Variants in RGS22 observed in about 807,000 individuals in gnomAD.
RGS22 encodes regulator of G protein signaling 22.
Under a neutral mutation model 172.9 loss-of-function variants are expected in RGS22, and 148 were observed. The observed-to-expected ratio is 0.86, with a 90% CI of 0.75 to 0.98. RGS22 has a LOEUF of 0.98. RGS22 is among the 50% of genes least tolerant of loss of function. The pLI is 0.00. For missense variants in RGS22, 1,347 were observed against 1,440.8 expected, an observed-to-expected ratio of 0.93 and a Z score of 1.05; for synonymous variants, 458 against 480.2, an observed-to-expected ratio of 0.95 and a Z score of 0.60.
intron 14 of RGS22, among the ~76,000 whole-genome samples, chr8:100,013,212 A>G (rs994697426): frequency 2.0e-5 from 3 of 152,068 alleles, no homozygotes; most frequent in Non-Finnish European, 4.4e-5. Flanking sequence ...GATGGTCTCA[A>G]AATCCTGACC....
chr8:100,105,725 G>C, intron 1 of RGS22, 172 bp downstream of exon 1: 1 of 580,620 alleles, frequency 1.7e-6, no homozygotes, highest in Admixed American at 3.7e-5. Context: ...ATAAACCGGC[G>C]AGGACGTGAA....
intron 13 of RGS22, 42 bp downstream of exon 13, chr8:100,039,920 A>G (rs1030422794): frequency 2.4e-6 from 3 of 1,231,648 alleles, no homozygotes; most frequent in African/African-American, 3.2e-5. Context: ...TTTTTAAATG[A>G]AGTAAAATTA....
intron 4 of RGS22, among the ~76,000 whole-genome samples, chr8:100,075,102 AT>A (rs1162248378): frequency 1.3e-5 from 2 of 151,812 alleles, no homozygotes; most frequent in African/African-American, 4.8e-5. Flanking sequence ...ATAACTTTTC[AT>A]TTCTTTTGGG....
In RGS22 at chr8:99,978,082, A is replaced by T. The variant is rs1445188084; in HGVS notation, c.3361-7T>A. On this transcript the variant is annotated splice_region_variant and splice_polypyrimidine_tract_variant and intron_variant, in intron 22 of 27. Coordinates refer to ENST00000360863, the MANE Select transcript of RGS22 (RefSeq NM_015668.5). Reference sequence around the variant, plus strand: ...GAACCCCAAAAATTGTCATCTGTATAAAAAAAAGTCTAAGATTACAATTTT... The same window carrying T: ...GAACCCCAAAAATTGTCATCTGTATTAAAAAAAGTCTAAGATTACAATTTT... The T allele has an allele frequency of 4.1e-6, 6 of 1,474,826 alleles. No individual in the cohort carries two copies. The highest frequency in any genetic ancestry group is 1.5e-5 in the African/African-American group (1 of 68,346). The allele number at this position is 1,474,826 out of a possible 1,614,324, so 91.4% of individuals were successfully genotyped here. A position where few individuals can be genotyped will look rare whatever the true frequency, so the allele number is the denominator to read the frequency against.
intron 14 of RGS22, among the ~76,000 whole-genome samples, chr8:100,009,962 C>T (rs56144778): frequency 0.04 from 6,120 of 152,162 alleles, 426 homozygotes; most frequent in African/African-American, 0.14. Flanking sequence ...TAATACAGGA[C>T]GGTAAGTGCT....
intron 9 of RGS22, 98 bp from the exon 10 acceptor site, chr8:100,053,074 G>T: frequency 1.9e-6 from 2 of 1,064,436 alleles, no homozygotes; most frequent in Non-Finnish European, 2.8e-6. Context: ...ACAATTAACA[G>T]TCTTGCCATA....
chr8:99,963,305 G>C (rs1810403447), intron 24 of RGS22, among the ~76,000 whole-genome samples: 1 of 152,108 alleles, frequency 6.6e-6, no homozygotes, highest in South Asian at 2.1e-4. Flanking sequence ...GGTGAGGTGG[G>C]AACGTGAGGG....
chr8:100,001,141 T>C (rs1264044140), intron 18 of RGS22, among the ~76,000 whole-genome samples: 10 of 148,372 alleles, frequency 6.7e-5, no homozygotes, highest in Non-Finnish European at 1.0e-4. Context: ...AGTATAAAAA[T>C]TGCATCATAT....
At chr8:100,089,002 C>G (rs1738397170) in intron 3 of RGS22, among the ~76,000 whole-genome samples, 2 of 151,942 alleles carry the variant, frequency 1.3e-5, no homozygotes, top group Admixed American at 1.3e-4. Context: ...AAGGATCTTA[C>G]ATGGAAGATG....
In RGS22 at chr8:100,039,137, T is replaced by A. The variant is rs1158373783; in HGVS notation, c.2065-105A>T. ...ACTGTTTAGCTCCTTGCTGTTACCA[T>A]AAATCAGGTTCAATTTAAGATGGTT... On this transcript the variant is annotated intron_variant, in intron 13 of 27. Transcript: ENST00000360863. 63 of 500,008 alleles carry A rather than the reference T, an allele frequency of 1.3e-4. No homozygotes were observed. In the Admixed American group the frequency reaches 2.4e-3, roughly 19 times the overall value. The allele number at this position is 500,008 out of a possible 1,614,324, so 31.0% of individuals were successfully genotyped here.
At position 99,999,405 on chromosome 8, in the gene RGS22, C is replaced by T. The variant is rs778484820; in HGVS notation, c.2806G>A (p.Gly936Ser). 1.2e-6 allele frequency: 2 copies of T among 1,613,446 alleles called. No homozygotes were observed. Among genetic ancestry groups the T allele is most frequent in the Non-Finnish European group, 1.7e-6 (2 of 1,179,766 alleles). Reference protein sequence around the residue: ...YQQNQVMHLSGGWGKILHEQL... With the variant: ...YQQNQVMHLSSGWGKILHEQL... ...TCATGAAGAATCTTCCCCCAGCCAC[C>T]ACTTAAATGCATTACCTAAGAAAAT... Residue 936 changes from glycine (G) to serine (S), a missense_variant, in exon 19 of 28, where the codon GGT becomes AGT. Coordinates refer to ENST00000360863, the MANE Select transcript of RGS22 (RefSeq NM_015668.5).
chr8:100,010,447 C>T (rs1420152384), intron 14 of RGS22, among the ~76,000 whole-genome samples: 1 of 152,144 alleles, frequency 6.6e-6, no homozygotes, highest in African/African-American at 2.4e-5. Flanking sequence ...GATTGTGCCA[C>T]TGCACTGCAG....
Position 100,063,753 on chromosome 8 carries a change from T to C in RGS22, c.1015A>G (p.Thr339Ala). 1.2e-6 allele frequency: 2 copies of C among 1,614,044 alleles called. No individual in the cohort carries two copies. Among genetic ancestry groups the C allele is most frequent in the Non-Finnish European group, 1.7e-6 (2 of 1,179,972 alleles). ...QQIVGKPVGE[T>A]PDYINFNNIT... ...TTGTTGAAGTTTATATAGTCTGGGG[T>C]TTCTCCAACTGGCTTTCCAACAATT... is the stretch of plus-strand genomic sequence containing the variant. The change falls in exon 8 of 28, where the codon ACC (threonine) becomes GCC (alanine). Residue 339 changes from threonine (T) to alanine (A), a missense_variant. Transcript: ENST00000360863.
chr8:99,975,007 G>A (rs549434063), intron 23 of RGS22, among the ~76,000 whole-genome samples: 6 of 152,022 alleles, frequency 3.9e-5, no homozygotes, highest in South Asian at 2.1e-4. Flanking sequence ...TTAGCCAGGC[G>A]TGGTGGTATG....
At chr8:100,069,960 G>A (rs1023662030) in intron 6 of RGS22, among the ~76,000 whole-genome samples, 1 of 148,458 alleles carries the variant, frequency 6.7e-6, no homozygotes, top group East Asian at 2.0e-4. Flanking sequence ...TCCTGGAGGT[G>A]GAGGTTGCAG....
intron 16 of RGS22, 63 bp downstream of exon 16, chr8:100,005,954 A>T (rs1328213243): frequency 5.0e-6 from 6 of 1,193,178 alleles, no homozygotes; most frequent in Middle Eastern, 3.9e-4. Flanking sequence ...CCTGCCCCAT[A>T]CATAAAGTGG....
chr8:100,101,064 T>C (rs1813433039), intron 2 of RGS22, among the ~76,000 whole-genome samples: 1 of 152,216 alleles, frequency 6.6e-6, no homozygotes, highest in African/African-American at 2.4e-5. Context: ...AGACTTTTTT[T>C]GAAGTCTGGC....
intron 3 of RGS22, among the ~76,000 whole-genome samples, chr8:100,088,786 T>C (rs909106254): frequency 1.3e-5 from 2 of 152,008 alleles, no homozygotes; most frequent in Admixed American, 1.3e-4. Flanking sequence ...TAGGCCCATT[T>C]CTACCACAAT....
chr8:99,982,909 T>C (rs1188936602), intron 21 of RGS22, among the ~76,000 whole-genome samples: 2 of 152,166 alleles, frequency 1.3e-5, no homozygotes, highest in Non-Finnish European at 2.9e-5. Flanking sequence ...ATCCTGTCAC[T>C]TAGGTAGAGC....
Sources: gnomAD v4.1 joint callset for allele counts (sites outside exome capture counted in the v4.1 genomes callset) on GRCh38, gnomAD v4.1.1 for gene constraint, MANE v1.5 for transcripts, NCBI Gene and HGNC (gene_info 2026-07-23, HGNC 2026-07-21) for gene names.